The following GOLGA4 variants were observed in gnomAD, a reference collection of about 807,000 sequenced individuals.
The protein encoded by GOLGA4 is golgin subfamily A member 4.
A neutral mutation model predicts 265.9 loss-of-function variants in GOLGA4; 169 were observed. The ratio of observed to expected loss-of-function variants is 0.64; its 90% confidence interval spans 0.56 to 0.72. The LOEUF is 0.72. Among genes scored for constraint, GOLGA4 ranks in the 30% least tolerant of loss-of-function variants. The pLI, the probability that GOLGA4 is intolerant of heterozygous loss-of-function variation, is 0.00. For synonymous variants in GOLGA4, 923 were observed against 855.8 expected (o/e 1.08, Z -1.37); for missense variants, 2,482 against 2,483.4 (o/e 1.00, Z 0.01).
intron 7 of GOLGA4, 99 bp from the exon 8 acceptor site, chr3:37,298,734 C>T (rs760983284): frequency 2.1e-5 from 16 of 771,462 alleles, no homozygotes; most frequent in South Asian, 3.9e-5. Flanking sequence ...AAGATGGAGT[C>T]GGTTAGATTA....
chr3:37,326,985 G>T lies in GOLGA4; in HGVS notation c.5099G>T (p.Ser1700Ile), dbSNP rs775830024. ...ILEEKLKSVE[S>I]SQSETLIVPR... is the part of the protein sequence containing the mutation. ...GAAGAAAAACTTAAGTCAGTGGAAAGTTCACAGTCAGAAACATTAATTGTA... is the reference window on the plus strand; with the variant it reads ...GAAGAAAAACTTAAGTCAGTGGAAATTTCACAGTCAGAAACATTAATTGTA... The change falls in exon 14 of 24, where the codon AGT becomes ATT. Residue 1700 changes from serine (S) to isoleucine (I), a missense_variant. Coordinates refer to ENST00000361924, the MANE Select transcript of GOLGA4 (RefSeq NM_002078.5). 12 of 1,613,758 alleles carry T rather than the reference G, an allele frequency of 7.4e-6. No homozygotes were observed. Among genetic ancestry groups the T allele is most frequent in the Non-Finnish European group, 9.3e-6 (11 of 1,179,830 alleles).
At chr3:37,294,043 C>T (rs1359774486) in intron 5 of GOLGA4, among the ~76,000 whole-genome samples, 4 of 152,068 alleles carry the variant, frequency 2.6e-5, no homozygotes, top group Admixed American at 6.5e-5. Context: ...ATGTGTGGTC[C>T]GTCATCTTCC....
At chr3:37,285,857 C>T (rs942126007) in intron 3 of GOLGA4, among the ~76,000 whole-genome samples, 157 bp from the exon 4 acceptor site, 13 of 152,124 alleles carry the variant, frequency 8.5e-5, no homozygotes, top group African/African-American at 3.1e-4. Flanking sequence ...AAATGTATGT[C>T]CTATGTTAGT....
Position 37,324,818 on chromosome 3 carries a change from G to A in GOLGA4, c.2932G>A (p.Glu978Lys). 6.3e-7 allele frequency: 1 copy of A among 1,585,778 alleles called. No homozygotes were observed. Among genetic ancestry groups the A allele is most frequent in the Non-Finnish European group, 8.5e-7 (1 of 1,173,166 alleles). The change falls in exon 14 of 24, where the codon GAA becomes AAA. Residue 978 changes from glutamate (E) to lysine (K), a missense_variant. Physicochemically the swap from Glu to Lys is moderately conservative, Grantham distance 56. This residue lies in a region of GOLGA4 where 1,536 missense variants were observed against 1,483.7 expected (regional missense o/e 1.04). Coordinates refer to ENST00000361924, the MANE Select transcript of GOLGA4 (RefSeq NM_002078.5). ...ETLKKKLLDQEAKLKKELENT... is the reference protein window; with the variant it reads ...ETLKKKLLDQKAKLKKELENT... ...GTTAAAGAAAAAATTACTGGATCAG[G>A]AAGCCAAACTTAAGAAAGAGCTTGA... is the stretch of plus-strand genomic sequence containing the variant.
In GOLGA4 at chr3:37,281,988, C is replaced by T. The variant is rs1435759734; in HGVS notation, c.193C>T (p.Leu65Phe). 1.9e-6 allele frequency: 3 copies of T among 1,613,730 alleles called. No homozygotes were observed. The highest frequency in any genetic ancestry group is 2.5e-6 in the Non-Finnish European group (3 of 1,179,788). Residue 65 changes from leucine to phenylalanine, a missense_variant, in exon 3 of 24, where the codon CTC becomes TTC. Physicochemically the swap from Leu to Phe is conservative, Grantham distance 22. Coordinates refer to ENST00000361924, the MANE Select transcript of GOLGA4 (RefSeq NM_002078.5). Reference protein sequence around the residue: ...SGDTQSFAQKLQLRVPSVESL... With the variant: ...SGDTQSFAQKFQLRVPSVESL... Reference sequence around the variant, plus strand: ...TGACACACAGTCTTTTGCACAGAAGCTCCAGCTCCGGGTGCCCTCCGTGGA... The same window carrying T: ...TGACACACAGTCTTTTGCACAGAAGTTCCAGCTCCGGGTGCCCTCCGTGGA...
intron 10 of GOLGA4, among the ~76,000 whole-genome samples, chr3:37,313,258 C>G (rs898745286): frequency 6.6e-6 from 1 of 152,152 alleles, no homozygotes; most frequent in African/African-American, 2.4e-5. Flanking sequence ...AACTATTGAG[C>G]AAACTAAGTT....
At chr3:37,291,331 T>C (rs2096864228) in intron 5 of GOLGA4, among the ~76,000 whole-genome samples, 1 of 152,162 alleles carries the variant, frequency 6.6e-6, no homozygotes, top group Admixed American at 6.5e-5. Context: ...CTGAGGGAGT[T>C]ATACTCAAGA....
At chr3:37,246,906 G>A (rs2096721173) in intron 1 of GOLGA4, among the ~76,000 whole-genome samples, 1 of 152,078 alleles carries the variant, frequency 6.6e-6, no homozygotes, top group Non-Finnish European at 1.5e-5. Flanking sequence ...AATAGTTTAT[G>A]TGATATAAAT....
At chr3:37,267,964 C>T (rs139179577) in intron 2 of GOLGA4, among the ~76,000 whole-genome samples, 1 of 152,118 alleles carries the variant, frequency 6.6e-6, no homozygotes, top group Non-Finnish European at 1.5e-5. Flanking sequence ...TAGCTTGGGT[C>T]TCAGGGAAAA....
chr3:37,287,902 C>T (rs1025297515), intron 4 of GOLGA4, among the ~76,000 whole-genome samples: 2 of 152,136 alleles, frequency 1.3e-5, no homozygotes, highest in African/African-American at 4.8e-5. Flanking sequence ...TGTTAGTCCA[C>T]ACAAACCAGT....
At chr3:37,334,303 C>T (rs990246711) in intron 16 of GOLGA4, among the ~76,000 whole-genome samples, 7 of 152,116 alleles carry the variant, frequency 4.6e-5, no homozygotes, top group African/African-American at 1.7e-4. Context: ...TCAGCCTCGT[C>T]TGTTTTTTGC....
intron 5 of GOLGA4, among the ~76,000 whole-genome samples, chr3:37,289,866 A>G (rs1303109509): frequency 6.6e-6 from 1 of 152,080 alleles, no homozygotes. Context: ...TTTCTCCTAT[A>G]CAGATCCCAA....
chr3:37,260,031 A>G (rs945512175), intron 2 of GOLGA4, among the ~76,000 whole-genome samples: 4 of 152,022 alleles, frequency 2.6e-5, no homozygotes, highest in African/African-American at 9.7e-5. Flanking sequence ...TCTTCTGTAG[A>G]GTATATTATC....
At chr3:37,359,427 T>A (rs1003288131) in intron 22 of GOLGA4, among the ~76,000 whole-genome samples, 1 of 152,188 alleles carries the variant, frequency 6.6e-6, no homozygotes, top group African/African-American at 2.4e-5. Context: ...AACCCCTCTT[T>A]AAAAGTTTTC....
intron 9 of GOLGA4, among the ~76,000 whole-genome samples, chr3:37,301,596 T>G (rs2096892776): frequency 6.6e-6 from 1 of 152,196 alleles, no homozygotes; most frequent in Non-Finnish European, 1.5e-5. Context: ...GGCTATAAAA[T>G]AAATCTTTTA....
intron 20 of GOLGA4, among the ~76,000 whole-genome samples, chr3:37,340,994 C>A (rs1215984942): frequency 6.6e-6 from 1 of 151,954 alleles, no homozygotes; most frequent in Non-Finnish European, 1.5e-5. Flanking sequence ...GGTGAAACCC[C>A]ATCTCTACTA....
At chr3:37,353,722 A>G (rs1212268808) in intron 21 of GOLGA4, among the ~76,000 whole-genome samples, 1 of 151,876 alleles carries the variant, frequency 6.6e-6, no homozygotes, top group Non-Finnish European at 1.5e-5. Flanking sequence ...TTTTGTAGAG[A>G]CGGCCATAAA....
chr3:37,243,307 C>T lies in GOLGA4; in HGVS notation c.-244C>T, dbSNP rs757553463. The T allele has an allele frequency of 7.9e-5, 44 of 556,068 alleles. No individual in the cohort carries two copies. The highest frequency in any genetic ancestry group is 6.2e-4 in the Admixed American group (18 of 29,164). The allele number at this position is 556,068 out of a possible 1,614,324, so 34.4% of individuals were successfully genotyped here. On this transcript the variant is annotated 5_prime_UTR_variant, in exon 1 of 24. Transcript: ENST00000361924. ...TGCCGTTGTCGTCGCCGCCGCGGCT[C>T]CCGGGGCTGGATGGGGGGCCGAGGC...
chr3:37,296,411 C>T (rs1329416349), intron 7 of GOLGA4, among the ~76,000 whole-genome samples, 192 bp downstream of exon 7: 2 of 152,084 alleles, frequency 1.3e-5, no homozygotes, highest in South Asian at 4.2e-4. Flanking sequence ...AATGAAACCC[C>T]AAGAAAACCT....
Sources: gnomAD v4.1 joint callset for allele counts (sites outside exome capture counted in the v4.1 genomes callset) on GRCh38, gnomAD v4.1.1 for gene constraint, gnomAD v4.1.1 regional missense constraint, MANE v1.5 for transcripts, NCBI Gene and HGNC (gene_info 2026-07-23, HGNC 2026-07-21) for gene names.